CNBD1: variants seen among roughly 807,000 people sequenced by gnomAD.
CNBD1 encodes cyclic nucleotide-binding domain-containing protein 1.
CNBD1 carries 71 observed loss-of-function variants against 54.4 expected under a neutral mutation model. The ratio of observed to expected loss-of-function variants is 1.30; its 90% CI spans 1.08 to 1.59. The LOEUF (loss-of-function observed/expected upper bound fraction) is 1.59. CNBD1 is among the 40% of genes most tolerant of loss of function. CNBD1 has a pLI of 0.00. For synonymous variants in CNBD1, 182 were observed against 170.7 expected, an observed-to-expected ratio of 1.07 and a Z score of -0.51; for missense variants, 659 against 518.0, an observed-to-expected ratio of 1.27 and a Z score of -2.64.
chr8:87,222,789 A>C (rs969593756), intron 5 of CNBD1, among the ~76,000 whole-genome samples: 1 of 152,116 alleles, frequency 6.6e-6, no homozygotes, highest in South Asian at 2.1e-4. Context: ...TCTAACTAGT[A>C]TTTTTAATTC....
rs1234281586 is a variant in CNBD1 at position 87,256,652 on chromosome 8, AG to A, written c.771+19541del. On this transcript the variant is annotated intron_variant, in intron 6 of 10. Transcript: ENST00000518476. ...TTCTCTCTCCCCATATCTAAAGATC[AG>A]TGATTTGGGGGAAATTTGTTTTTAA... Among the ~76,000 whole-genome samples the A allele has an allele frequency of 1.6e-4, 18 of 112,726 alleles. 1 individual carries two copies. The highest frequency in any genetic ancestry group is 6.8e-4 in the African/African-American group (18 of 26,428). 74.0% of individuals were successfully genotyped at this position (112,726 alleles called of 152,430 possible).
chr8:87,251,413 C>A (rs1428682257), intron 6 of CNBD1, among the ~76,000 whole-genome samples: 2 of 151,728 alleles, frequency 1.3e-5, no homozygotes, highest in African/African-American at 4.8e-5. Context: ...ATAGTGAAAC[C>A]CCATCTCTAC....
chr8:87,140,506 G>A (rs1005947150), intron 4 of CNBD1, among the ~76,000 whole-genome samples: 4 of 152,110 alleles, frequency 2.6e-5, no homozygotes, highest in African/African-American at 9.7e-5. Flanking sequence ...AAAAAACAGT[G>A]AATGGAAAAG....
chr8:87,159,686 T>G (rs1812815791), intron 4 of CNBD1, among the ~76,000 whole-genome samples: 1 of 152,062 alleles, frequency 6.6e-6, no homozygotes, highest in Non-Finnish European at 1.5e-5. Flanking sequence ...GTTATCTGAG[T>G]AGCACCTCTG....
downstream of CNBD1, among the ~76,000 whole-genome samples, chr8:87,384,408 T>C (rs1041586590): frequency 3.3e-5 from 5 of 152,058 alleles, no homozygotes; most frequent in Admixed American, 6.6e-5. Context: ...TATTATATGG[T>C]ACATATTATA....
chr8:87,051,884 C>T (rs972025885), intron 4 of CNBD1, among the ~76,000 whole-genome samples: 3 of 152,140 alleles, frequency 2.0e-5, no homozygotes, highest in Non-Finnish European at 4.4e-5. Flanking sequence ...GGGACCTGTT[C>T]CCAACAGATC....
intron 4 of CNBD1, among the ~76,000 whole-genome samples, chr8:86,945,384 A>G (rs1440670305): frequency 6.6e-6 from 1 of 152,192 alleles, no homozygotes; most frequent in Non-Finnish European, 1.5e-5. Flanking sequence ...GGAATGACTC[A>G]GAGGAATTGC....
At chr8:87,159,456 A>G (rs989937215) in intron 4 of CNBD1, among the ~76,000 whole-genome samples, 2 of 152,156 alleles carry the variant, frequency 1.3e-5, no homozygotes, top group Admixed American at 1.3e-4. Context: ...AATGGAGAGT[A>G]GAGCTCTTGC....
chr8:87,280,477 T>C (rs1451793370), intron 6 of CNBD1, among the ~76,000 whole-genome samples: 1 of 151,536 alleles, frequency 6.6e-6, no homozygotes, highest in Non-Finnish European at 1.5e-5. Flanking sequence ...CTGATCTTTG[T>C]GTTTTTGTTG....
At chr8:87,272,772 A>T (rs182619668) in intron 6 of CNBD1, among the ~76,000 whole-genome samples, 60 of 152,056 alleles carry the variant, frequency 3.9e-4, no homozygotes, top group Non-Finnish European at 1.8e-4. Flanking sequence ...AATACATATA[A>T]AGTATGCATT....
At chr8:87,368,723 T>G (rs1262857806) in intron 10 of CNBD1, among the ~76,000 whole-genome samples, 2 of 152,002 alleles carry the variant, frequency 1.3e-5, no homozygotes, top group African/African-American at 4.8e-5. Flanking sequence ...GAGGGGTATT[T>G]GGTATTTTGT....
At chr8:87,172,865 T>A (rs1813118077) in intron 4 of CNBD1, among the ~76,000 whole-genome samples, 1 of 152,160 alleles carries the variant, frequency 6.6e-6, no homozygotes, top group Non-Finnish European at 1.5e-5. Context: ...ATAGTTCATT[T>A]ACATTCAATG....
chr8:87,154,454 A>T (rs1812672939), intron 4 of CNBD1, among the ~76,000 whole-genome samples: 2 of 152,306 alleles, frequency 1.3e-5, no homozygotes, highest in South Asian at 4.1e-4. Flanking sequence ...AAGGAACAAG[A>T]TTTGTTCAGA....
chr8:86,888,674 CA>C (rs924958964), intron 2 of CNBD1, among the ~76,000 whole-genome samples: 2 of 151,946 alleles, frequency 1.3e-5, no homozygotes, highest in African/African-American at 2.4e-5. Flanking sequence ...TTTTGTTATG[CA>C]AAAAAGCTCA....
rs1809617246 is a variant in CNBD1, at chr8:86,939,731, AT to A, written c.410del (p.Phe137SerfsTer2). 1.3e-6 allele frequency: 2 copies of A among 1,570,030 alleles called. No homozygotes were observed. The highest frequency in any genetic ancestry group is 1.7e-6 in the Non-Finnish European group (2 of 1,155,788). The part of the protein sequence containing the change: ...PKRATEKFEE[F>X]LAILKKLPIH... ...AAAGAGCCACAGAGAAATTTGAAGAATTCCTAGCTATCTTAAAGAAATTGTA... is the reference window on the plus strand; with the variant it reads ...AAAGAGCCACAGAGAAATTTGAAGAATCCTAGCTATCTTAAAGAAATTGTA... On this transcript the variant is annotated frameshift_variant, in exon 4 of 11. Coordinates refer to ENST00000518476, the MANE Select transcript of CNBD1 (RefSeq NM_173538.3). LOFTEE classifies it high-confidence loss of function.
intron 3 of CNBD1, among the ~76,000 whole-genome samples, chr8:86,920,016 A>G (rs1809246263): frequency 6.6e-6 from 1 of 152,134 alleles, no homozygotes; most frequent in Non-Finnish European, 1.5e-5. Flanking sequence ...ATGTGAAAAA[A>G]AAAAGTCACC....
intron 8 of CNBD1, among the ~76,000 whole-genome samples, chr8:87,291,468 G>C (rs1052844122): frequency 1.3e-5 from 2 of 152,062 alleles, no homozygotes; most frequent in Non-Finnish European, 2.9e-5. Context: ...TATTAGCTTT[G>C]TAGGTCATAT....
intron 4 of CNBD1, among the ~76,000 whole-genome samples, chr8:87,085,784 T>C (rs748924472): frequency 1.3e-5 from 2 of 152,170 alleles, no homozygotes; most frequent in South Asian, 2.1e-4. Flanking sequence ...TTGGTGGGTG[T>C]AGGGCCATTC....
rs184342347 is a variant in CNBD1, at chr8:87,152,299, C to T, written c.432-53694C>T. Reference sequence around the variant, plus strand: ...GAAAGGCTAAGGAGACATTTTGGAACGAATGATAACCAATATTTCATTTAA... The same window carrying T: ...GAAAGGCTAAGGAGACATTTTGGAATGAATGATAACCAATATTTCATTTAA... On this transcript the variant is annotated intron_variant, in intron 4 of 10. Coordinates refer to ENST00000518476, the MANE Select transcript of CNBD1 (RefSeq NM_173538.3). Among the ~76,000 whole-genome samples the T allele has an allele frequency of 1.6e-4, 24 of 151,982 alleles. No homozygotes were observed. The South Asian group carries it at 2.5e-3, about 16-fold the overall frequency.
Sources: allele counts gnomAD v4.1 joint callset (sites outside exome capture counted in the v4.1 genomes callset), GRCh38; gene constraint gnomAD v4.1.1; transcripts MANE v1.5; gene names NCBI Gene and HGNC (gene_info 2026-07-23, HGNC 2026-07-21).